The following THUMPD3 variants were observed in gnomAD, a reference collection of about 807,000 sequenced individuals.
THUMPD3 encodes the protein THUMP domain 3 tRNA guanosine methyltransferase.
THUMPD3 carries 44 observed loss-of-function variants against 54.5 expected under a neutral mutation model. That is an observed-to-expected ratio of 0.81 (90% confidence interval 0.63 to 1.04). The LOEUF is 1.04. Among genes scored for constraint, THUMPD3 ranks in the 50% least tolerant of loss-of-function variants. The pLI is 0.00. For synonymous variants in THUMPD3, 196 were observed against 201.4 expected, an observed-to-expected ratio of 0.97 and a Z score of 0.23; for missense variants, 604 against 601.3, an observed-to-expected ratio of 1.00 and a Z score of -0.05.
intron 5 of THUMPD3, among the ~76,000 whole-genome samples, chr3:9,374,856 G>C (rs1359379251): frequency 6.6e-6 from 1 of 151,990 alleles, no homozygotes; most frequent in East Asian, 1.9e-4. Flanking sequence ...AGGTGGCTCA[G>C]TTTTCTTTAT....
intron 2 of THUMPD3, 123 bp from the exon 3 acceptor site, chr3:9,366,785 A>C: frequency 1.4e-6 from 1 of 718,472 alleles, no homozygotes; most frequent in Non-Finnish European, 2.2e-6. Flanking sequence ...CATTTTAAAA[A>C]TACAAAATAT....
chr3:9,366,911 C>A lies in THUMPD3; in HGVS notation c.256C>A (p.His86Asn), dbSNP rs756340606. 12 of 1,608,258 alleles carry A rather than the reference C, an allele frequency of 7.5e-6. No individual in the cohort carries two copies. The South Asian group carries it at 1.1e-4, about 15-fold the overall frequency. The change falls in exon 3 of 10, where the codon CAT (histidine) becomes AAT (asparagine). Residue 86 changes from histidine (H) to asparagine (N), a missense_variant. Coordinates refer to ENST00000452837, the MANE Select transcript of THUMPD3 (RefSeq NM_001114092.2). ...VISVESLAQV[H>N]CLRSVDNLFV... ...TGTTTCTTTTTTTTTCACCCAGGTT[C>A]ATTGTCTGAGATCAGTTGATAACTT...
chr3:9,374,566 T>C lies in THUMPD3; in HGVS notation c.858T>C (p.Thr286=). 6.2e-7 allele frequency: 1 copy of C among 1,614,162 alleles called. No homozygotes were observed. Among genetic ancestry groups the C allele is most frequent in the South Asian group, 1.1e-5 (1 of 91,080 alleles). Residue 286 remains threonine (T), a synonymous_variant, in exon 5 of 10, where the codon ACT becomes ACC. Transcript: ENST00000452837. ...AAGTCATTGTGGGCATTGCATTGACTGAAGAGAGTCTCCACCGAAGAAATA... is the reference window on the plus strand; with the variant it reads ...AAGTCATTGTGGGCATTGCATTGACCGAAGAGAGTCTCCACCGAAGAAATA... ...DNEVIVGIAL[T]EESLHRRNIT...
chr3:9,386,434 G>A lies in THUMPD3; in HGVS notation c.*1746G>A, dbSNP rs1349920455. ...GCAGGGTATTGTATCTGCCAGACTG[G>A]GTATTTGTTGAACAAGCGAGTATTT... On this transcript the variant is annotated 3_prime_UTR_variant, in exon 10 of 10. Transcript: ENST00000452837. 5 of 135,758 alleles carry A rather than the reference G, an allele frequency of 3.7e-5. No individual in the cohort carries two copies. Among genetic ancestry groups the A allele is most frequent in the African/African-American group, 1.1e-4 (4 of 35,320 alleles). 8.4% of individuals were successfully genotyped at this position (135,758 alleles called of 1,614,324 possible). A position where few individuals can be genotyped will look rare whatever the true frequency, so the allele number is the denominator to read the frequency against.
chr3:9,374,157 A>G (rs1387593825), intron 4 of THUMPD3, among the ~76,000 whole-genome samples: 1 of 152,192 alleles, frequency 6.6e-6, no homozygotes, highest in East Asian at 1.9e-4. Flanking sequence ...ATGAAATCAT[A>G]TAGTATATAG....
chr3:9,383,627 CTTTTT>C (rs1235834386), intron 8 of THUMPD3, among the ~76,000 whole-genome samples: 1 of 143,940 alleles, frequency 6.9e-6, no homozygotes, highest in East Asian at 2.0e-4. Context: ...ATAAATGATT[CTTTTT>C]TTTTTTTTGG....
At position 9,371,473 on chromosome 3, in the gene THUMPD3, T is replaced by C; in HGVS notation, c.744T>C (p.Asp248=). 1 of 1,613,946 alleles carries C rather than the reference T, an allele frequency of 6.2e-7. No homozygotes were observed. The highest frequency in any genetic ancestry group is 2.2e-5 in the East Asian group (1 of 44,872). The change falls in exon 4 of 10, where the codon GAT becomes GAC. Residue 248 remains aspartate, a synonymous_variant. Transcript: ENST00000452837. ...TTACCTCAAATGAGGCTGCAAGAGA[T>C]TTTGGGGGTGCTGTTCAAGATTATT... ...HCFTSNEAAR[D]FGGAVQDYFK... is the part of the protein sequence containing the mutation.
chr3:9,363,853 A>G (rs111619614), intron 1 of THUMPD3: 19 of 128,492 alleles, frequency 1.5e-4, no homozygotes, highest in African/African-American at 5.5e-4. Flanking sequence ...TGTGTCACCC[A>G]GGCTGGAGTG....
intron 3 of THUMPD3, among the ~76,000 whole-genome samples, chr3:9,370,366 T>C (rs1447588020): frequency 6.6e-6 from 1 of 152,236 alleles, no homozygotes; most frequent in East Asian, 1.9e-4. Flanking sequence ...CCTTTATATT[T>C]GGCTGATAGT....
rs1203649170 is a variant in THUMPD3, at chr3:9,383,233, C to T, written c.1159C>T (p.Gln387Ter). The T allele has an allele frequency of 6.2e-7, 1 of 1,613,924 alleles. No individual in the cohort carries two copies. Among genetic ancestry groups the T allele is most frequent in the Non-Finnish European group, 8.5e-7 (1 of 1,179,936 alleles). The change falls in exon 8 of 10, where the codon CAG becomes TAG. Residue 387 changes from glutamine (Q) to a stop codon, truncating the protein, a stop_gained. Transcript: ENST00000452837. LOFTEE classifies it high-confidence loss of function. ...PSWGLPIDAV[Q>*]WDICNLPLRT... ...CTGGGGCTTGCCCATAGATGCTGTT[C>T]AGTGGGATATCTGCAATCTGCCATT...
At chr3:9,374,791 T>C in intron 5 of THUMPD3, 145 bp downstream of exon 5, 1 of 941,954 alleles carries the variant, frequency 1.1e-6, no homozygotes, top group Non-Finnish European at 1.6e-6. Flanking sequence ...TAATGATCTA[T>C]TTCTTTCCCT....
chr3:9,378,176 G>A (rs536245779), intron 6 of THUMPD3, among the ~76,000 whole-genome samples: 2 of 152,346 alleles, frequency 1.3e-5, no homozygotes, highest in African/African-American at 4.8e-5. Flanking sequence ...TAACAGACAA[G>A]CTGGTAGACT....
intron 5 of THUMPD3, among the ~76,000 whole-genome samples, chr3:9,376,943 G>C (rs889314861): frequency 6.6e-6 from 1 of 152,122 alleles, no homozygotes; most frequent in African/African-American, 2.4e-5. Context: ...GATAATGCAT[G>C]GAAAGAGCTT....
At chr3:9,380,723 C>G in intron 7 of THUMPD3, 105 bp downstream of exon 7, 1 of 663,740 alleles carries the variant, frequency 1.5e-6, no homozygotes, top group Admixed American at 2.8e-5. Flanking sequence ...TCATTGTAAC[C>G]AAAATGAATA....
intron 4 of THUMPD3, among the ~76,000 whole-genome samples, chr3:9,373,514 A>G (rs575128668): frequency 6.6e-6 from 1 of 152,066 alleles, no homozygotes; most frequent in South Asian, 2.1e-4. Context: ...ATTCCTGAGG[A>G]GCTGTCTTTG....
chr3:9,373,429 A>G (rs757629529), intron 4 of THUMPD3, among the ~76,000 whole-genome samples: 16 of 152,104 alleles, frequency 1.1e-4, no homozygotes, highest in Non-Finnish European at 2.2e-4. Flanking sequence ...CAGGAAGTCC[A>G]GGCCACAGTG....
Position 9,384,020 on chromosome 3 carries a change from A to T in THUMPD3, c.1236-192A>T, listed in dbSNP as rs114204360. Among the ~76,000 whole-genome samples the T allele has an allele frequency of 8.6e-3, 1,313 of 152,212 alleles. 23 individuals carry two copies. Among genetic ancestry groups the T allele is most frequent in the African/African-American group, 0.028 (1,163 of 41,496 alleles). ...TAACTAACACAGTTGTCTAAAAAAAATTTTTTTGATTCAGAATTCTAAGCA... is the reference window on the plus strand; with the variant it reads ...TAACTAACACAGTTGTCTAAAAAAATTTTTTTTGATTCAGAATTCTAAGCA... On this transcript the variant is annotated intron_variant, in intron 8 of 9. Transcript: ENST00000452837.
intron 5 of THUMPD3, among the ~76,000 whole-genome samples, chr3:9,375,453 T>C (rs2032391588): frequency 1.3e-5 from 2 of 152,242 alleles, no homozygotes; most frequent in Admixed American, 1.3e-4. Context: ...CTTCTCTCTT[T>C]TATTGGGTGC....
chr3:9,381,905 A>G (rs548157785), intron 7 of THUMPD3, among the ~76,000 whole-genome samples: 5 of 149,022 alleles, frequency 3.4e-5, no homozygotes, highest in South Asian at 4.3e-4. Context: ...TCAGCCTCCC[A>G]AGTAGCTGGG....
Sources: allele counts gnomAD v4.1 joint callset (sites outside exome capture counted in the v4.1 genomes callset), GRCh38; gene constraint gnomAD v4.1.1; transcripts MANE v1.5; gene names NCBI Gene and HGNC (gene_info 2026-07-23, HGNC 2026-07-21).